The following PALM2AKAP2 variants were observed in gnomAD, a reference collection of about 807,000 sequenced individuals.
The protein encoded by PALM2AKAP2 is PALM2 and AKAP2 fusion.
Under a neutral mutation model 71.5 loss-of-function variants are expected in PALM2AKAP2, and 37 were observed. The ratio of observed to expected loss-of-function variants is 0.52; its 90% confidence interval spans 0.40 to 0.68. The LOEUF (loss-of-function observed/expected upper bound fraction) is 0.68. Ranked by LOEUF, PALM2AKAP2 falls within the 30% of genes least tolerant of loss-of-function variation. The pLI is 0.00. For missense variants in PALM2AKAP2, 1,224 were observed against 1,191.8 expected, an observed-to-expected ratio of 1.03 and a Z score of -0.40; for synonymous variants, 468 against 478.8, an observed-to-expected ratio of 0.98 and a Z score of 0.29.
At chr9:110,062,217 A>C (rs891776590) in intron 1 of PALM2AKAP2, among the ~76,000 whole-genome samples, 2 of 152,126 alleles carry the variant, frequency 1.3e-5, no homozygotes, top group Non-Finnish European at 2.9e-5. Context: ...CCCTACATGC[A>C]TTAGCTAGTT....
exon 3 of PALM2AKAP2, chr9:110,156,366 C>A: frequency 6.2e-7 from 1 of 1,610,332 alleles, no homozygotes; most frequent in Non-Finnish European, 8.5e-7. Flanking sequence ...CACTGAAGGC[C>A]CCAGCTTGCA....
At chr9:109,746,964 G>T (rs908036923) in intron 1 of PALM2AKAP2, among the ~76,000 whole-genome samples, 1 of 152,168 alleles carries the variant, frequency 6.6e-6, no homozygotes, top group East Asian at 1.9e-4. Context: ...CATGAGAAAG[G>T]CATGGAGTAG....
chr9:109,854,120 G>A (rs1829091233), intron 1 of PALM2AKAP2, among the ~76,000 whole-genome samples: 1 of 152,172 alleles, frequency 6.6e-6, no homozygotes, highest in African/African-American at 2.4e-5. Context: ...GCTGTCCTCA[G>A]TGAGAAGCAG....
In PALM2AKAP2 at chr9:110,080,923, A is replaced by G. The variant is rs184862374; in HGVS notation, c.156+32068A>G. ...TCAAACTCCCAACCTCAGGTGATCCACCCGCCTTGGGCCTCCCAAAGTGCT... is the reference window on the plus strand; with the variant it reads ...TCAAACTCCCAACCTCAGGTGATCCGCCCGCCTTGGGCCTCCCAAAGTGCT... On this transcript the variant is annotated intron_variant, in intron 1 of 3. Transcript: ENST00000374525. 6.0e-3 allele frequency among the ~76,000 whole-genome samples: 909 copies of G among 152,184 alleles called. 3 individuals are homozygous for G. The highest frequency in any genetic ancestry group is 0.015 in the Admixed American group (230 of 15,288).
chr9:110,162,150 T>C lies in PALM2AKAP2; in HGVS notation c.2748+5653T>C. 1.9e-6 allele frequency: 3 copies of C among 1,613,816 alleles called. No homozygotes were observed. The highest frequency in any genetic ancestry group is 2.5e-6 in the Non-Finnish European group (3 of 1,179,698). ...CTTCCGAGGTACTTTTCAATTTGTT[T>C]GTCTTGGTCTTACTGAATGCATGAT... is the stretch of plus-strand genomic sequence containing the variant. On this transcript the variant is annotated intron_variant, in intron 3 of 3. Transcript: ENST00000374525.
intron 1 of PALM2AKAP2, among the ~76,000 whole-genome samples, chr9:109,750,437 GA>G (rs994204489): frequency 1.3e-5 from 2 of 152,014 alleles, no homozygotes; most frequent in Admixed American, 1.3e-4. Flanking sequence ...GGAAAAAGAG[GA>G]AAAAAAGTTC....
intron 1 of PALM2AKAP2, among the ~76,000 whole-genome samples, chr9:109,774,201 G>C (rs1452175015): frequency 3.3e-5 from 5 of 152,208 alleles, no homozygotes; most frequent in African/African-American, 1.2e-4. Context: ...ATTGTGCTAA[G>C]GTAAACCAGA....
chr9:109,895,060 A>G (rs1218449585), intron 3 of PALM2AKAP2, among the ~76,000 whole-genome samples: 2 of 152,216 alleles, frequency 1.3e-5, no homozygotes, highest in African/African-American at 4.8e-5. Flanking sequence ...GGGACACACC[A>G]CAGGACTCTC....
intron 1 of PALM2AKAP2, among the ~76,000 whole-genome samples, chr9:109,720,912 C>T (rs1208866676): frequency 2.0e-5 from 3 of 152,180 alleles, no homozygotes; most frequent in Non-Finnish European, 4.4e-5. Flanking sequence ...AAACAGGTTA[C>T]GTCCCTTCCC....
At chr9:109,701,531 G>C (rs1242352373) in intron 1 of PALM2AKAP2, among the ~76,000 whole-genome samples, 1 of 152,186 alleles carries the variant, frequency 6.6e-6, no homozygotes, top group Non-Finnish European at 1.5e-5. Flanking sequence ...TGGGAAAACT[G>C]GCTAGCCATA....
At chr9:109,937,894 T>A (rs913641671) in intron 6 of PALM2AKAP2, among the ~76,000 whole-genome samples, 1 of 152,180 alleles carries the variant, frequency 6.6e-6, no homozygotes, top group Admixed American at 6.5e-5. Context: ...TTAAATAAGA[T>A]GAACAAAGGC....
intron 1 of PALM2AKAP2, among the ~76,000 whole-genome samples, chr9:110,083,232 C>CTACG (rs1834488408): frequency 6.6e-6 from 1 of 152,184 alleles, no homozygotes; most frequent in African/African-American, 2.4e-5. Flanking sequence ...CTTTCTGTCT[C>CTACG]TACGGTTTGG....
chr9:109,735,324 G>A (rs1487567289), intron 1 of PALM2AKAP2, among the ~76,000 whole-genome samples: 3 of 151,614 alleles, frequency 2.0e-5, no homozygotes, highest in African/African-American at 7.3e-5. Context: ...TGTAGGGAAG[G>A]ACACACTGTG....
At chr9:110,162,024 C>T (rs1045777722) in intron 3 of PALM2AKAP2, 70 bp from the exon 10 acceptor site, 67 of 1,582,196 alleles carry the variant, frequency 4.2e-5, no homozygotes, top group Middle Eastern at 1.7e-4. Flanking sequence ...GGTGCCTGTT[C>T]CCGGCTAGGG....
chr9:110,110,114 A>G (rs1365203508), intron 1 of PALM2AKAP2, among the ~76,000 whole-genome samples: 1 of 152,088 alleles, frequency 6.6e-6, no homozygotes, highest in Non-Finnish European at 1.5e-5. Flanking sequence ...CCTCACACAT[A>G]TGTGAGGTAA....
At chr9:109,894,773 C>CT (rs1251823895) in intron 3 of PALM2AKAP2, among the ~76,000 whole-genome samples, 2 of 151,988 alleles carry the variant, frequency 1.3e-5, no homozygotes, top group African/African-American at 4.8e-5. Context: ...CAAGACCACA[C>CT]TTTTTTTTCC....
intron 6 of PALM2AKAP2, among the ~76,000 whole-genome samples, chr9:109,964,014 C>T (rs553533149): frequency 7.2e-5 from 11 of 152,290 alleles, no homozygotes; most frequent in Admixed American, 3.3e-4. Flanking sequence ...ATATGGGACA[C>T]GCAGGAATCC....
intron 6 of PALM2AKAP2, chr9:109,945,247 C>A (rs983573757): frequency 1.3e-5 from 2 of 151,892 alleles, no homozygotes; most frequent in African/African-American, 2.4e-5. Context: ...TTTTATTATA[C>A]TCATCTTGTT....
At chr9:109,755,062 G>A (rs766815068) in intron 1 of PALM2AKAP2, among the ~76,000 whole-genome samples, 9 of 151,964 alleles carry the variant, frequency 5.9e-5, no homozygotes, top group East Asian at 1.9e-4. Flanking sequence ...TCTGCCACCC[G>A]AGTCTAAGCC....
Sources: allele counts gnomAD v4.1 joint callset (sites outside exome capture counted in the v4.1 genomes callset), GRCh38; gene constraint gnomAD v4.1.1; transcripts MANE v1.5; gene names NCBI Gene and HGNC (gene_info 2026-07-23, HGNC 2026-07-21).